The following ERCC6 variants were observed in gnomAD, a reference collection of about 807,000 sequenced individuals.
The protein encoded by ERCC6 is ERCC excision repair 6, chromatin remodeling factor, also known as DNA excision repair protein ERCC-6.
In ERCC6, 116 loss-of-function variants were observed where a neutral mutation model predicts 158.7. That is an observed-to-expected ratio of 0.73 (90% CI 0.63 to 0.85). ERCC6 has a LOEUF of 0.85. Among genes scored for constraint, ERCC6 ranks in the 40% least tolerant of loss-of-function variants. The pLI is 0.00. For missense variants in ERCC6, 1,698 were observed against 1,799.4 expected (o/e 0.94, Z 1.02); for synonymous variants, 678 against 659.3 (o/e 1.03, Z -0.43).
At chr10:49,479,366 TAAAG>T (rs1310709617) in intron 10 of ERCC6, among the ~76,000 whole-genome samples, 3 of 152,296 alleles carry the variant, frequency 2.0e-5, no homozygotes, top group East Asian at 1.9e-4. Context: ...AAAATGTTCT[TAAAG>T]AACGCTAAAA....
intron 7 of ERCC6, among the ~76,000 whole-genome samples, 168 bp downstream of exon 7, chr10:49,500,370 C>T (rs923015132): frequency 1.3e-5 from 2 of 152,112 alleles, no homozygotes; most frequent in African/African-American, 4.8e-5. Flanking sequence ...TGCCCTACAG[C>T]TCCATTGTCT....
chr10:49,515,480 G>T, intron 5 of ERCC6: 1 of 1,614,156 alleles, frequency 6.2e-7, no homozygotes, highest in Non-Finnish European at 8.5e-7. Context: ...CATAACGTGA[G>T]TCAATGTTAC....
At chr10:49,515,444 T>C in intron 5 of ERCC6, 1 of 1,614,206 alleles carries the variant, frequency 6.2e-7, no homozygotes. Flanking sequence ...GCTTTCCCTG[T>C]TTGACTATCA....
chr10:49,489,915 A>AT (rs1179799216), intron 8 of ERCC6, among the ~76,000 whole-genome samples: 1 of 151,918 alleles, frequency 6.6e-6, no homozygotes, highest in African/African-American at 2.4e-5. Flanking sequence ...AACATCCTTT[A>AT]TTTTTTTTGA....
the ERCC6 span, among the ~76,000 whole-genome samples, chr10:49,446,235 A>ACG: frequency 7.8e-6 from 1 of 127,808 alleles, no homozygotes; most frequent in East Asian, 2.1e-4. Context: ...CGTCACACAC[A>ACG]CACACACACA....
At chr10:49,514,220 G>T (rs970587950) in intron 5 of ERCC6, among the ~76,000 whole-genome samples, 1 of 152,100 alleles carries the variant, frequency 6.6e-6, no homozygotes, top group African/African-American at 2.4e-5. Context: ...CCTTAATAGT[G>T]TGCAAAGTAA....
intron 5 of ERCC6, among the ~76,000 whole-genome samples, chr10:49,519,992 A>G (rs1319518151): frequency 6.6e-6 from 1 of 152,178 alleles, no homozygotes; most frequent in Non-Finnish European, 1.5e-5. Flanking sequence ...CAAGAACCAG[A>G]TGATCTATGA....
rs765804876 is a variant in ERCC6, at chr10:49,459,145, G to C, written c.4152C>G (p.Leu1384=). The C allele has an allele frequency of 3.0e-5, 48 of 1,614,076 alleles. No homozygotes were observed. Among genetic ancestry groups the C allele is most frequent in the Non-Finnish European group, 3.8e-5 (45 of 1,180,042 alleles). ...TTTTAGCCAAGAGTGAGGAGGAAGCGAGGGGCCCGGATGAAGAGTCTGCAT... is the reference window on the plus strand; with the variant it reads ...TTTTAGCCAAGAGTGAGGAGGAAGCCAGGGGCCCGGATGAAGAGTCTGCAT... The part of the protein sequence containing the change: ...AEDADSSSGP[L]ASSSLLAKMR... Residue 1384 remains leucine (L), a synonymous_variant, in exon 21 of 21, where the codon CTC becomes CTG. Coordinates refer to ENST00000355832, the MANE Select transcript of ERCC6 (RefSeq NM_000124.4).
At chr10:49,473,191 C>T (rs543313748) in intron 14 of ERCC6, among the ~76,000 whole-genome samples, 163 bp from the exon 15 acceptor site, 29 of 152,182 alleles carry the variant, frequency 1.9e-4, no homozygotes, top group Admixed American at 1.4e-3. Context: ...CATTTCACAG[C>T]TTTTACTTTT....
chr10:49,451,095 G>A (rs56164647), downstream of ERCC6, among the ~76,000 whole-genome samples: 2 of 151,564 alleles, frequency 1.3e-5, no homozygotes, highest in Non-Finnish European at 2.9e-5. Flanking sequence ...ACAGGCGTGA[G>A]CCACCATGCC....
intron 7 of ERCC6, among the ~76,000 whole-genome samples, chr10:49,494,512 A>G (rs1424445805): frequency 6.6e-6 from 1 of 152,198 alleles, no homozygotes; most frequent in Non-Finnish European, 1.5e-5. Flanking sequence ...TTGTCTCAAC[A>G]TGCATTCCCC....
intron 5 of ERCC6, among the ~76,000 whole-genome samples, chr10:49,521,189 C>T (rs1376011284): frequency 2.6e-5 from 4 of 152,202 alleles, no homozygotes; most frequent in African/African-American, 9.7e-5. Context: ...AGGCTTACCT[C>T]GAATATGGCA....
At chr10:49,515,683 G>T (rs140991023) in intron 5 of ERCC6, 7 of 1,614,060 alleles carry the variant, frequency 4.3e-6, no homozygotes, top group Non-Finnish European at 5.9e-6. Flanking sequence ...TTCTTTCCAC[G>T]GATTGATGCC....
chr10:49,448,329 GTATATCTTC>G, the ERCC6 span, among the ~76,000 whole-genome samples: 13 of 151,948 alleles, frequency 8.6e-5, no homozygotes, highest in African/African-American at 3.1e-4. Flanking sequence ...TTGGCCATTT[GTATATCTTC>G]TTTGGGAAAT....
intron 19 of ERCC6, 150 bp from the exon 20 acceptor site, chr10:49,460,601 T>C: frequency 1.5e-6 from 1 of 685,050 alleles, no homozygotes; most frequent in Admixed American, 2.1e-5. Context: ...TCTATCCCCC[T>C]CGATTCTTCC....
At chr10:49,516,878 T>G in intron 5 of ERCC6, 2 of 1,614,184 alleles carry the variant, frequency 1.2e-6, no homozygotes, top group Non-Finnish European at 1.7e-6. Context: ...TAGGTGCGTA[T>G]GAGGGATCAT....
At chr10:49,518,366 C>G (rs1316734282) in intron 5 of ERCC6, among the ~76,000 whole-genome samples, 1 of 152,246 alleles carries the variant, frequency 6.6e-6, no homozygotes, top group African/African-American at 2.4e-5. Flanking sequence ...CCTTCAGACC[C>G]CTTCTCCTTC....
Position 49,459,207 on chromosome 10 carries a change from C to T in ERCC6, c.4090G>A (p.Asp1364Asn). The T allele has an allele frequency of 6.2e-7, 1 of 1,614,182 alleles. No individual in the cohort carries two copies. Among genetic ancestry groups the T allele is most frequent in the Non-Finnish European group, 8.5e-7 (1 of 1,180,034 alleles). The change falls in exon 21 of 21, where the codon GAT (aspartate) becomes AAT (asparagine). Residue 1364 changes from aspartate (D) to asparagine (N), a missense_variant. Transcript: ENST00000355832. Reference sequence around the variant, plus strand: ...CCACTAAAATGCTCAGGGACATTATCTTTTCCCTCCTTTTTCATGATGCCA... The same window carrying T: ...CCACTAAAATGCTCAGGGACATTATTTTTTCCCTCCTTTTTCATGATGCCA... Reference protein sequence around the residue: ...QDGIMKKEGKDNVPEHFSGRA... With the variant: ...QDGIMKKEGKNNVPEHFSGRA...
At chr10:49,517,418 C>G (rs1837012671) in intron 5 of ERCC6, among the ~76,000 whole-genome samples, 1 of 152,180 alleles carries the variant, frequency 6.6e-6, no homozygotes, top group Non-Finnish European at 1.5e-5. Flanking sequence ...CAGTAACTAA[C>G]TCTGTGCACC....
Sources: allele counts gnomAD v4.1 joint callset (sites outside exome capture counted in the v4.1 genomes callset), GRCh38; gene constraint gnomAD v4.1.1; transcripts MANE v1.5; gene names NCBI Gene and HGNC (gene_info 2026-07-23, HGNC 2026-07-21).